The following DIS3L2 variants were observed in gnomAD, a reference collection of about 807,000 sequenced individuals.
DIS3L2 encodes the protein DIS3-like exonuclease 2.
Under a neutral mutation model 97.5 loss-of-function variants are expected in DIS3L2, and 34 were observed. The ratio of observed to expected loss-of-function variants is 0.35; its 90% CI spans 0.27 to 0.46. The LOEUF is 0.46. Among genes scored for constraint, DIS3L2 ranks in the 20% least tolerant of loss-of-function variants. The pLI, the probability that DIS3L2 is intolerant of heterozygous loss-of-function variation, is 1.00. For synonymous variants in DIS3L2, 435 were observed against 445.2 expected (o/e 0.98, Z 0.29); for missense variants, 1,038 against 1,146.0 (o/e 0.91, Z 1.36).
chr2:231,992,009 G>C (rs565875704), intron 1 of DIS3L2, among the ~76,000 whole-genome samples: 1 of 152,294 alleles, frequency 6.6e-6, no homozygotes, highest in East Asian at 1.9e-4. Flanking sequence ...GACCTTATGA[G>C]GGGAGGTATT....
intron 9 of DIS3L2, among the ~76,000 whole-genome samples, chr2:232,187,367 CAT>C (rs1203279116): frequency 6.6e-6 from 1 of 152,112 alleles, no homozygotes. Context: ...AAGGGTTAAA[CAT>C]AGAGTTACCA....
At chr2:232,084,899 T>TTAACA (rs10679514) in intron 5 of DIS3L2, among the ~76,000 whole-genome samples, 1 of 151,374 alleles carries the variant, frequency 6.6e-6, no homozygotes, top group Non-Finnish European at 1.5e-5. Context: ...ATTCTGATCG[T>TTAACA]TCTTTGTAAT....
intron 11 of DIS3L2, among the ~76,000 whole-genome samples, chr2:232,239,662 G>A: frequency 6.6e-6 from 1 of 152,196 alleles, no homozygotes; most frequent in East Asian, 1.9e-4. Context: ...CCTAAGGTCA[G>A]AGGAATATCC....
intron 16 of DIS3L2, among the ~76,000 whole-genome samples, chr2:232,333,466 G>A (rs1161190082): frequency 2.0e-5 from 3 of 152,192 alleles, no homozygotes; most frequent in Non-Finnish European, 4.4e-5. Flanking sequence ...GACTTCGGAG[G>A]CTCAGCTCGT....
chr2:232,058,350 T>C (rs1695604529), intron 5 of DIS3L2, among the ~76,000 whole-genome samples: 1 of 152,210 alleles, frequency 6.6e-6, no homozygotes, highest in Admixed American at 6.5e-5. Context: ...CCTCTTATCA[T>C]AGAGCTTCTG....
chr2:232,076,403 C>T (rs1435829359), intron 5 of DIS3L2, among the ~76,000 whole-genome samples: 4 of 152,164 alleles, frequency 2.6e-5, no homozygotes, highest in Admixed American at 2.6e-4. Context: ...CACATTCACA[C>T]TAGATATGTA....
In DIS3L2 at chr2:232,276,605, A is replaced by G. The variant is rs191080797; in HGVS notation, c.1659+13165A>G. Among the ~76,000 whole-genome samples the G allele has an allele frequency of 5.3e-5, 8 of 151,988 alleles. No homozygotes were observed. The highest frequency in any genetic ancestry group is 1.7e-4 in the African/African-American group (7 of 41,438). The stretch of plus-strand genomic sequence containing the variant: ...CCACTCCAGACTGCCCCAGGCCCCA[A>G]CTCTCAGCTCTCCTGTTGCTACCAG... On this transcript the variant is annotated intron_variant, in intron 13 of 20. Coordinates refer to ENST00000325385, the MANE Select transcript of DIS3L2 (RefSeq NM_152383.5). The surrounding 1 kb of genome is among the most constrained non-coding windows in gnomAD (Gnocchi z 4.4).
intron 5 of DIS3L2, among the ~76,000 whole-genome samples, chr2:232,070,195 G>A (rs1695972130): frequency 6.6e-6 from 1 of 152,156 alleles, no homozygotes; most frequent in African/African-American, 2.4e-5. Flanking sequence ...CTTTCGTAGG[G>A]GCGGAGGTTG....
At chr2:232,322,818 A>T (rs1695473604) in intron 14 of DIS3L2, among the ~76,000 whole-genome samples, 1 of 152,200 alleles carries the variant, frequency 6.6e-6, no homozygotes, top group Admixed American at 6.5e-5. Flanking sequence ...TCTTCCTTGA[A>T]CATCCGATTA....
At chr2:232,310,692 T>G (rs1268724539) in intron 14 of DIS3L2, among the ~76,000 whole-genome samples, 1 of 152,240 alleles carries the variant, frequency 6.6e-6, no homozygotes, top group Non-Finnish European at 1.5e-5. Context: ...AAGGTCAAGC[T>G]GTACATAAGA....
At chr2:232,157,570 A>G (rs769716361) in intron 8 of DIS3L2, among the ~76,000 whole-genome samples, 6 of 152,244 alleles carry the variant, frequency 3.9e-5, no homozygotes, top group Non-Finnish European at 7.3e-5. Context: ...TGGTGTTTAC[A>G]TAAGCAATAT....
At chr2:232,183,587 C>A (rs1446211139) in intron 9 of DIS3L2, among the ~76,000 whole-genome samples, 1 of 152,182 alleles carries the variant, frequency 6.6e-6, no homozygotes, top group Non-Finnish European at 1.5e-5. Context: ...CATCTTTATC[C>A]CCAGGAATGT....
rs1231336487 is a variant in DIS3L2 at position 232,037,172 on chromosome 2, A to T, written c.366+7092A>T. Among the ~76,000 whole-genome samples the T allele has an allele frequency of 6.6e-6, 1 of 152,092 alleles. No homozygotes were observed. Among genetic ancestry groups the T allele is most frequent in the Non-Finnish European group, 1.5e-5 (1 of 68,010 alleles). ...CCCCCAGGTGCTCTGTCCCAGGGAG[A>T]TGGGAGTTTTACCTATAAGCCCCTG... On this transcript the variant is annotated intron_variant, in intron 5 of 20. Coordinates refer to ENST00000325385, the MANE Select transcript of DIS3L2 (RefSeq NM_152383.5). The surrounding 1 kb of genome is among the most constrained non-coding windows in gnomAD (Gnocchi z 4.6).
chr2:232,134,658 C>G (rs931372387), intron 7 of DIS3L2, among the ~76,000 whole-genome samples: 1 of 152,134 alleles, frequency 6.6e-6, no homozygotes, highest in Non-Finnish European at 1.5e-5. Flanking sequence ...AACCCTGTCT[C>G]TACTAAATAA....
At position 232,037,007 on chromosome 2, in the gene DIS3L2, C is replaced by G. The variant is rs907256677; in HGVS notation, c.366+6927C>G. Among the ~76,000 whole-genome samples, 7 of 152,306 alleles carry G rather than the reference C, an allele frequency of 4.6e-5. No homozygotes were observed. Among genetic ancestry groups the G allele is most frequent in the African/African-American group, 1.7e-4 (7 of 41,574 alleles). ...TGTCAGGAGGCACAGGGGTCAGGGA[C>G]CCACTTGAGGAGGCAATCTGAGGAG... On this transcript the variant is annotated intron_variant, in intron 5 of 20. Coordinates refer to ENST00000325385, the MANE Select transcript of DIS3L2 (RefSeq NM_152383.5). This position sits in a 1 kb window ranked among gnomAD's most constrained non-coding sequence, Gnocchi z 4.6.
chr2:232,190,152 AC>A (rs1306190073), intron 9 of DIS3L2, among the ~76,000 whole-genome samples: 1 of 152,052 alleles, frequency 6.6e-6, no homozygotes, highest in Non-Finnish European at 1.5e-5. Flanking sequence ...ACATGATGAG[AC>A]CCTCATCTTT....
chr2:232,147,150 A>T (rs551580556), intron 8 of DIS3L2, among the ~76,000 whole-genome samples: 5 of 152,252 alleles, frequency 3.3e-5, no homozygotes, highest in South Asian at 2.1e-4. Context: ...ATTAATTAAT[A>T]AATAGGAATG....
intron 11 of DIS3L2, among the ~76,000 whole-genome samples, chr2:232,242,219 G>A (rs145844027): frequency 4.6e-4 from 70 of 152,332 alleles, no homozygotes; most frequent in African/African-American, 1.5e-3. Context: ...TTATTTCAGT[G>A]TGTAAGTAGG....
Position 232,176,186 on chromosome 2 carries a change from C to T in DIS3L2, c.1124+12554C>T, listed in dbSNP as rs556236484. Among the ~76,000 whole-genome samples, 435 of 152,326 alleles carry T rather than the reference C, an allele frequency of 2.9e-3. 1 individual carries two copies. The highest frequency in any genetic ancestry group is 4.7e-3 in the Non-Finnish European group (321 of 68,028). On this transcript the variant is annotated intron_variant, in intron 9 of 20. Transcript: ENST00000325385. Reference sequence around the variant, plus strand: ...GATTACAGGCGTGAGCCACCGCACCCGGCTTCTTCCTAGAACTTTGTCTTT... The same window carrying T: ...GATTACAGGCGTGAGCCACCGCACCTGGCTTCTTCCTAGAACTTTGTCTTT...
Sources: allele counts gnomAD v4.1 joint callset (sites outside exome capture counted in the v4.1 genomes callset), GRCh38; gene constraint gnomAD v4.1.1; non-coding constraint Gnocchi (gnomAD v3.1); transcripts MANE v1.5; gene names NCBI Gene and HGNC (gene_info 2026-07-23, HGNC 2026-07-21).